Variants in PTPRK observed in about 807,000 individuals in gnomAD.
PTPRK encodes the protein receptor-type tyrosine-protein phosphatase kappa.
PTPRK carries 75 observed loss-of-function variants against 178.0 expected under a neutral mutation model. The observed-to-expected ratio is 0.42, with a 90% confidence interval of 0.35 to 0.51. The LOEUF is 0.51. Ranked by LOEUF, PTPRK falls within the 20% of genes least tolerant of loss-of-function variation. The pLI is 0.02. For missense variants in PTPRK, 1,441 were observed against 1,797.8 expected (o/e 0.80, Z 3.59); for synonymous variants, 637 against 620.6 (o/e 1.03, Z -0.39).
intron 1 of PTPRK, among the ~76,000 whole-genome samples, chr6:128,436,957 C>T (rs565423041): frequency 6.6e-5 from 10 of 151,802 alleles, no homozygotes; most frequent in Non-Finnish European, 1.3e-4. Flanking sequence ...CTGTATTGTG[C>T]ACTTAGAAAT....
At chr6:127,999,033 A>AT in intron 15 of PTPRK, 129 bp from the exon 16 acceptor site, 1 of 807,754 alleles carries the variant, frequency 1.2e-6, no homozygotes. Context: ...TGGGAAAGAA[A>AT]TATCATACAG....
chr6:128,138,776 C>T (rs759595825), intron 7 of PTPRK, among the ~76,000 whole-genome samples: 27 of 152,142 alleles, frequency 1.8e-4, no homozygotes, highest in Non-Finnish European at 1.9e-4. Context: ...CTTTCACAGC[C>T]TCTGTTTAGT....
At chr6:128,414,631 T>C in intron 1 of PTPRK, among the ~76,000 whole-genome samples, 1 of 152,204 alleles carries the variant, frequency 6.6e-6, no homozygotes, top group East Asian at 1.9e-4. Flanking sequence ...TCTTTTATTG[T>C]TCTGTCCAGT....
chr6:127,983,216 A>G (rs1158389171), intron 23 of PTPRK, 26 bp downstream of exon 23: 2 of 1,540,746 alleles, frequency 1.3e-6, no homozygotes, highest in African/African-American at 2.8e-5. Flanking sequence ...AATAAAAAAA[A>G]GTCCACTACA....
intron 1 of PTPRK, among the ~76,000 whole-genome samples, chr6:128,415,246 G>A (rs923980156): frequency 7.9e-5 from 12 of 152,006 alleles, no homozygotes; most frequent in Admixed American, 2.0e-4. Context: ...ATTCTCCAAC[G>A]GCAAGAATTC....
intron 3 of PTPRK, among the ~76,000 whole-genome samples, chr6:128,268,424 A>T (rs898865494): frequency 7.9e-5 from 12 of 152,036 alleles, no homozygotes; most frequent in African/African-American, 2.9e-4. Flanking sequence ...ATGCAGAAAA[A>T]GTGAGAGAAC....
chr6:127,968,871 C>T lies in PTPRK; in HGVS notation c.*1356G>A, dbSNP rs1035820250. On this transcript the variant is annotated 3_prime_UTR_variant, in exon 30 of 30. Coordinates refer to ENST00000368226, the MANE Select transcript of PTPRK (RefSeq NM_002844.4). ...ATGAGCTGGCAATCTAGAAAGAGGA[C>T]ACTGGAATGCTTTAGTCAATTACAA... is the stretch of plus-strand genomic sequence containing the variant. 1 of 152,172 alleles carries T rather than the reference C, an allele frequency of 6.6e-6. No homozygotes were observed. Among genetic ancestry groups the T allele is most frequent in the Admixed American group, 6.5e-5 (1 of 15,270 alleles). 9.4% of individuals were successfully genotyped at this position (152,172 alleles called of 1,614,324 possible). A position where few individuals can be genotyped will look rare whatever the true frequency, so the allele number is the denominator to read the frequency against.
intron 5 of PTPRK, among the ~76,000 whole-genome samples, chr6:128,226,798 A>T (rs891638870): frequency 7.5e-6 from 1 of 133,922 alleles, no homozygotes; most frequent in Non-Finnish European, 1.6e-5. Flanking sequence ...ATATATATAT[A>T]TTTCAATAAA....
intron 3 of PTPRK, among the ~76,000 whole-genome samples, chr6:128,272,187 C>G (rs963873817): frequency 2.0e-5 from 3 of 152,076 alleles, no homozygotes; most frequent in Non-Finnish European, 4.4e-5. Flanking sequence ...TCCTTCCTTA[C>G]ACCTTATATA....
At chr6:128,008,243 AC>A (rs1418048160) in intron 14 of PTPRK, among the ~76,000 whole-genome samples, 1 of 151,092 alleles carries the variant, frequency 6.6e-6, no homozygotes, top group Admixed American at 6.6e-5. Context: ...AATATAAGCA[AC>A]ATCACTTATT....
chr6:128,171,864 CAT>C (rs1800312847), intron 7 of PTPRK, among the ~76,000 whole-genome samples: 1 of 151,886 alleles, frequency 6.6e-6, no homozygotes, highest in South Asian at 2.1e-4. Flanking sequence ...TATATGTATA[CAT>C]GTTTCAGTCA....
intron 29 of PTPRK, among the ~76,000 whole-genome samples, chr6:127,971,289 CAGTT>C (rs1773870500): frequency 6.6e-6 from 1 of 152,092 alleles, no homozygotes; most frequent in Non-Finnish European, 1.5e-5. Flanking sequence ...ATTCCCAACT[CAGTT>C]CATTCAAGTG....
At chr6:128,397,487 G>A in intron 2 of PTPRK, 79 bp downstream of exon 2, 2 of 1,526,770 alleles carry the variant, frequency 1.3e-6, no homozygotes, top group Non-Finnish European at 1.8e-6. Context: ...TTAAATTATT[G>A]TTGTTACACT....
chr6:128,516,801 C>A (rs1858104399), intron 1 of PTPRK, among the ~76,000 whole-genome samples: 1 of 152,090 alleles, frequency 6.6e-6, no homozygotes, highest in African/African-American at 2.4e-5. Flanking sequence ...TTATTCTCAA[C>A]ACAGAGTTGA....
chr6:128,087,806 T>C (rs1786174077), intron 8 of PTPRK, among the ~76,000 whole-genome samples: 1 of 152,178 alleles, frequency 6.6e-6, no homozygotes, highest in African/African-American at 2.4e-5. Context: ...CGAACTATAT[T>C]GCTTCCTTCA....
chr6:128,422,180 C>T (rs1490929743), intron 1 of PTPRK, among the ~76,000 whole-genome samples: 2 of 152,062 alleles, frequency 1.3e-5, no homozygotes, highest in Non-Finnish European at 2.9e-5. Flanking sequence ...TTGTTATTTC[C>T]GGAATGAATT....
intron 13 of PTPRK, among the ~76,000 whole-genome samples, chr6:128,029,244 C>T (rs1249465171): frequency 6.6e-6 from 1 of 152,066 alleles, no homozygotes; most frequent in Non-Finnish European, 1.5e-5. Context: ...ACATGGTTCC[C>T]CTTCACCTTC....
At chr6:128,500,192 C>A (rs1399524555) in intron 1 of PTPRK, among the ~76,000 whole-genome samples, 1 of 152,152 alleles carries the variant, frequency 6.6e-6, no homozygotes, top group Non-Finnish European at 1.5e-5. Context: ...CATCAGGCTG[C>A]AGTGAAGGAG....
chr6:128,464,610 T>TACAC (rs1849505161), intron 1 of PTPRK, among the ~76,000 whole-genome samples: 3 of 113,872 alleles, frequency 2.6e-5, no homozygotes, highest in Non-Finnish European at 5.3e-5. Flanking sequence ...AATATATATA[T>TACAC]ATACATATAC....
Sources: gnomAD v4.1 joint callset for allele counts (sites outside exome capture counted in the v4.1 genomes callset) on GRCh38, gnomAD v4.1.1 for gene constraint, MANE v1.5 for transcripts, NCBI Gene and HGNC (gene_info 2026-07-23, HGNC 2026-07-21) for gene names.